The following MBD3 variants were observed in gnomAD, a reference collection of about 807,000 sequenced individuals.
MBD3 encodes the protein methyl-CpG-binding domain protein 3.
Under a neutral mutation model 31.2 loss-of-function variants are expected in MBD3, and 13 were observed. The observed-to-expected ratio is 0.42, with a 90% confidence interval of 0.27 to 0.66. MBD3 has a LOEUF of 0.66. MBD3 is among the 30% of genes least tolerant of loss of function. The pLI, the probability that MBD3 is intolerant of heterozygous loss-of-function variation, is 0.26. For missense variants in MBD3, 440 were observed against 426.5 expected (o/e 1.03, Z -0.28); for synonymous variants, 223 against 187.4 (o/e 1.19, Z -1.55).
chr19:1,578,232 G>A lies in MBD3; in HGVS notation c.*6-74C>T. The stretch of plus-strand genomic sequence containing the variant: ...CGCTTGGGCTCTTCTAGGGAGATGG[G>A]AAGCTCTTGGGAGGCACCCGTCATC... On this transcript the variant is annotated intron_variant, in intron 6 of 6. Transcript: ENST00000434436. The surrounding 1 kb of genome is among the most constrained non-coding windows in gnomAD (Gnocchi z 6.1). 6.5e-7 allele frequency: 1 copy of A among 1,547,368 alleles called. No individual in the cohort carries two copies. Among genetic ancestry groups the A allele is most frequent in the South Asian group, 1.1e-5 (1 of 88,278 alleles).
At chr19:1,584,748 C>A in intron 2 of MBD3, 71 bp from the exon 3 acceptor site, 1 of 1,484,212 alleles carries the variant, frequency 6.7e-7, no homozygotes, top group South Asian at 1.2e-5. Context: ...GGGTGCGGGG[C>A]CCGGGTGACC....
rs369219065 is a variant in MBD3, at chr19:1,585,128, G to A, written c.197C>T (p.Thr66Met). The change falls in exon 2 of 7, where the codon ACG becomes ATG. Residue 66 changes from threonine (T) to methionine (M), a missense_variant. By Grantham distance (81) the Thr-to-Met change is moderately conservative (BLOSUM62 -1). Coordinates refer to ENST00000434436, the MANE Select transcript of MBD3 (RefSeq NM_001281453.2). The surrounding 1 kb of genome is among the most constrained non-coding windows in gnomAD (Gnocchi z 4.1). Reference sequence around the variant, plus strand: ...CATCTTGCTCATCAGCATCTTGCCCGTGCGGAAGTCGAAGGTGCTCAGGTC... The same window carrying A: ...CATCTTGCTCATCAGCATCTTGCCCATGCGGAAGTCGAAGGTGCTCAGGTC... ...SMDLSTFDFR[T>M]GKMLMSKMNK... 2 of 1,612,252 alleles carry A rather than the reference G, an allele frequency of 1.2e-6. No individual in the cohort carries two copies. Among genetic ancestry groups the A allele is most frequent in the Non-Finnish European group, 1.7e-6 (2 of 1,179,490 alleles).
intron 3 of MBD3, chr19:1,583,224 A>C (rs1431628627): frequency 6.4e-6 from 1 of 155,418 alleles, no homozygotes; most frequent in Admixed American, 6.3e-5. Flanking sequence ...AAAAAAAAAA[A>C]AAAATTAGCC....
chr19:1,589,593 C>A (rs1259483470), intron 1 of MBD3, among the ~76,000 whole-genome samples: 1 of 152,160 alleles, frequency 6.6e-6, no homozygotes, highest in Non-Finnish European at 1.5e-5. Flanking sequence ...GTGGAGGCTG[C>A]AGTCAGCCGA....
intron 5 of MBD3, among the ~76,000 whole-genome samples, chr19:1,579,367 C>G (rs1016174893): frequency 1.3e-5 from 2 of 152,004 alleles, no homozygotes; most frequent in African/African-American, 4.8e-5. Flanking sequence ...TCTCAACCCA[C>G]CACCAGGGAT....
Position 1,578,876 on chromosome 19 carries a change from A to G in MBD3, c.678-338T>C, listed in dbSNP as rs1917280061. Reference sequence around the variant, plus strand: ...CCCTTGCTCCTGTCCCTTGACAGGCACTGAGTGGGGCAGGAAAACCCTCAC... The same window carrying G: ...CCCTTGCTCCTGTCCCTTGACAGGCGCTGAGTGGGGCAGGAAAACCCTCAC... On this transcript the variant is annotated intron_variant, in intron 5 of 6. Transcript: ENST00000434436. The surrounding 1 kb of genome is among the most constrained non-coding windows in gnomAD (Gnocchi z 6.1). Among the ~76,000 whole-genome samples the G allele has an allele frequency of 6.6e-6, 1 of 152,080 alleles. No individual in the cohort carries two copies. Among genetic ancestry groups the G allele is most frequent in the Non-Finnish European group, 1.5e-5 (1 of 67,992 alleles).
rs991634490 is a variant in MBD3, at chr19:1,575,205, G to A, written c.*2959C>T. 4.2e-5 allele frequency: 18 copies of A among 433,512 alleles called. No individual in the cohort carries two copies. The highest frequency in any genetic ancestry group is 8.1e-5 in the African/African-American group (4 of 49,474). 26.9% of individuals were successfully genotyped at this position (433,512 alleles called of 1,614,324 possible). A position where few individuals can be genotyped will look rare whatever the true frequency, so the allele number is the denominator to read the frequency against. Reference sequence around the variant, plus strand: ...GGCAATTTGGGAAGCTGGGGCGGGCGGATCACCTGAGGTTAGGAGTTCCAG... The same window carrying A: ...GGCAATTTGGGAAGCTGGGGCGGGCAGATCACCTGAGGTTAGGAGTTCCAG... On this transcript the variant is annotated 3_prime_UTR_variant, in exon 7 of 7. Coordinates refer to ENST00000434436, the MANE Select transcript of MBD3 (RefSeq NM_001281453.2).
chr19:1,578,781 C>T lies in MBD3; in HGVS notation c.678-243G>A, dbSNP rs1568273317. Among the ~76,000 whole-genome samples, 3 of 152,248 alleles carry T rather than the reference C, an allele frequency of 2.0e-5. No homozygotes were observed. Among genetic ancestry groups the T allele is most frequent in the East Asian group, 3.9e-4 (2 of 5,160 alleles). On this transcript the variant is annotated intron_variant, in intron 5 of 6. Transcript: ENST00000434436. The surrounding 1 kb of genome is among the most constrained non-coding windows in gnomAD (Gnocchi z 6.1). ...GGCCCCCCTGCCACCTCTACTGGGA[C>T]CAAGGGAGGGGCCTGACCCTTCAGT...
Position 1,578,651 on chromosome 19 carries a change from C to A in MBD3, c.678-113G>T, listed in dbSNP as rs867736294. ...GGGAGGCCCGAGGGATCCACAGGCA[C>A]CCCCCCAGGACCAGCCCTGGCCCGT... On this transcript the variant is annotated intron_variant, in intron 5 of 6. Coordinates refer to ENST00000434436, the MANE Select transcript of MBD3 (RefSeq NM_001281453.2). The surrounding 1 kb of genome is among the most constrained non-coding windows in gnomAD (Gnocchi z 6.1). 552 of 1,577,838 alleles carry A rather than the reference C, an allele frequency of 3.5e-4. 1 individual carries two copies. The highest frequency in any genetic ancestry group is 4.3e-4 in the Middle Eastern group (2 of 4,690).
Position 1,585,499 on chromosome 19 carries a change from GGCCCTA to G in MBD3, c.111-291_111-286del, listed in dbSNP as rs200947713. 642 of 457,894 alleles carry G rather than the reference GGCCCTA, an allele frequency of 1.4e-3. 6 individuals are homozygous for G. The highest frequency in any genetic ancestry group is 0.011 in the African/African-American group (569 of 50,020). The allele number at this position is 457,894 out of a possible 1,614,324, so 28.4% of individuals were successfully genotyped here. ...GCACTGGCCCCGATCCTCACACCCT[GGCCCTA>G]GCCCCAGCCTCCACATCGGATCCTT... On this transcript the variant is annotated intron_variant, in intron 1 of 6. Coordinates refer to ENST00000434436, the MANE Select transcript of MBD3 (RefSeq NM_001281453.2). The surrounding 1 kb of genome is among the most constrained non-coding windows in gnomAD (Gnocchi z 4.1).
chr19:1,592,685 A>C lies in MBD3; in HGVS notation c.-54T>G, dbSNP rs991925636. The C allele has an allele frequency of 3.0e-6, 2 of 660,020 alleles. No individual in the cohort carries two copies. Among genetic ancestry groups the C allele is most frequent in the African/African-American group, 2.1e-5 (1 of 47,944 alleles). 40.9% of individuals were successfully genotyped at this position (660,020 alleles called of 1,614,324 possible). A position where few individuals can be genotyped will look rare whatever the true frequency, so the allele number is the denominator to read the frequency against. ...GCCCGCCGCCGCCGCCCGGACCCCCACTCGCCGCCGCCGCCTCAGCTGCCT... is the reference window on the plus strand; with the variant it reads ...GCCCGCCGCCGCCGCCCGGACCCCCCCTCGCCGCCGCCGCCTCAGCTGCCT... On this transcript the variant is annotated 5_prime_UTR_variant, in exon 1 of 7. Coordinates refer to ENST00000434436, the MANE Select transcript of MBD3 (RefSeq NM_001281453.2).
At chr19:1,583,777 C>T (rs2060664391) in intron 3 of MBD3, among the ~76,000 whole-genome samples, 1 of 152,146 alleles carries the variant, frequency 6.6e-6, no homozygotes, top group African/African-American at 2.4e-5. Context: ...TAGAAAATAC[C>T]TGCAGGTAAC....
intron 1 of MBD3, among the ~76,000 whole-genome samples, chr19:1,591,734 G>T (rs1181881389): frequency 6.6e-6 from 1 of 151,718 alleles, no homozygotes; most frequent in Non-Finnish European, 1.5e-5. Context: ...GCAGGTGGCC[G>T]ACTGTCTGGG....
intron 2 of MBD3, 145 bp downstream of exon 2, chr19:1,584,910 C>T: frequency 8.0e-7 from 1 of 1,250,214 alleles, no homozygotes. Flanking sequence ...CACCCTGTGG[C>T]CTGCGCCTTC....
intron 1 of MBD3, among the ~76,000 whole-genome samples, chr19:1,588,727 C>T (rs2060690341): frequency 7.0e-6 from 1 of 142,132 alleles, no homozygotes; most frequent in African/African-American, 2.7e-5. Context: ...TGCAGTGAGC[C>T]GAGATCATGA....
At chr19:1,588,055 G>A (rs111310214) in intron 1 of MBD3, among the ~76,000 whole-genome samples, 21 of 152,322 alleles carry the variant, frequency 1.4e-4, no homozygotes, top group African/African-American at 5.1e-4. Context: ...CCCATGCTTA[G>A]CTCAATCGCC....
At chr19:1,583,454 T>G (rs1378118759) in intron 3 of MBD3, 1 of 147,658 alleles carries the variant, frequency 6.8e-6, no homozygotes, top group African/African-American at 2.5e-5. Flanking sequence ...TTTTAAGAAG[T>G]AGGTTACACA....
At chr19:1,580,843 G>T (rs547454657) in intron 5 of MBD3, among the ~76,000 whole-genome samples, 2 of 152,160 alleles carry the variant, frequency 1.3e-5, no homozygotes, top group African/African-American at 4.8e-5. Flanking sequence ...CAGTCCTCAC[G>T]GACTCAAAGG....
chr19:1,579,805 G>C (rs1233763958), intron 5 of MBD3, among the ~76,000 whole-genome samples: 2 of 152,024 alleles, frequency 1.3e-5, no homozygotes, highest in Admixed American at 1.3e-4. Context: ...TTTTAACTCT[G>C]TCACCCAGGT....
Sources: allele counts gnomAD v4.1 joint callset (sites outside exome capture counted in the v4.1 genomes callset), GRCh38; gene constraint gnomAD v4.1.1; non-coding constraint Gnocchi (gnomAD v3.1); transcripts MANE v1.5; gene names NCBI Gene and HGNC (gene_info 2026-07-23, HGNC 2026-07-21).